Variants in SCARB1 observed in about 807,000 individuals in gnomAD.
SCARB1 encodes the protein scavenger receptor class B member 1, also known as CD36 and LIMPII analogous 1.
A neutral mutation model predicts 57.2 loss-of-function variants in SCARB1; 30 were observed. The observed-to-expected ratio is 0.52, with a 90% CI of 0.39 to 0.71. SCARB1 has a LOEUF of 0.71. Among genes scored for constraint, SCARB1 ranks in the 30% least tolerant of loss-of-function variants. SCARB1 has a pLI of 0.00. For missense variants in SCARB1, 543 were observed against 671.2 expected (o/e 0.81, Z 2.11); for synonymous variants, 249 against 268.3 (o/e 0.93, Z 0.70).
At chr12:124,847,549 C>T (rs1566250108) in intron 1 of SCARB1, among the ~76,000 whole-genome samples, 1 of 152,224 alleles carries the variant, frequency 6.6e-6, no homozygotes, top group Non-Finnish European at 1.5e-5. Flanking sequence ...CCCAGGGTTT[C>T]CACAATCTTC....
chr12:124,841,137 C>T (rs754487024), intron 1 of SCARB1, among the ~76,000 whole-genome samples: 9 of 152,102 alleles, frequency 5.9e-5, no homozygotes, highest in African/African-American at 1.9e-4. Context: ...TTTGGGAGGC[C>T]GAGGTGGGCG....
rs1357193606 is a variant in SCARB1 at position 124,855,492 on chromosome 12, A to C, written c.126+8103T>G. On this transcript the variant is annotated intron_variant, in intron 1 of 12. Coordinates refer to ENST00000261693, the MANE Select transcript of SCARB1 (RefSeq NM_005505.5). The stretch of plus-strand genomic sequence containing the variant: ...TTGTGTTGTTTTTGTTTCTCTTTGC[A>C]AGACAGCTCCAGCCTGGCCACTTGT... 7.9e-5 allele frequency among the ~76,000 whole-genome samples: 12 copies of C among 152,330 alleles called. No homozygotes were observed. In the East Asian group the frequency reaches 1.7e-3, roughly 22 times the overall value.
At chr12:124,855,871 CCAA>C (rs1952602432) in intron 1 of SCARB1, among the ~76,000 whole-genome samples, 2 of 152,206 alleles carry the variant, frequency 1.3e-5, no homozygotes, top group Non-Finnish European at 2.9e-5. Context: ...AATGACAGTG[CCAA>C]CAAGCCTGCA....
chr12:124,822,624 C>A lies in SCARB1; in HGVS notation c.127-4917G>T, dbSNP rs1950991462. On this transcript the variant is annotated intron_variant, in intron 1 of 12. Transcript: ENST00000261693. This position sits in a 1 kb window ranked among gnomAD's most constrained non-coding sequence, Gnocchi z 5.0. ...ATTAGGCCAGGCATGGTGGCTCACG[C>A]CTGTAATCCAAGGACTTTGGGAGGC... Among the ~76,000 whole-genome samples the A allele has an allele frequency of 6.6e-6, 1 of 152,186 alleles. No homozygotes were observed. Among genetic ancestry groups the A allele is most frequent in the African/African-American group, 2.4e-5 (1 of 41,438 alleles).
intron 10 of SCARB1, 150 bp from the exon 11 acceptor site, chr12:124,786,653 C>T: frequency 6.9e-7 from 1 of 1,452,640 alleles, no homozygotes; most frequent in Non-Finnish European, 9.2e-7. Context: ...CTGCCAGGGA[C>T]CTCCTCCCTC....
At chr12:124,827,950 G>A (rs560220199) in intron 1 of SCARB1, among the ~76,000 whole-genome samples, 4 of 152,268 alleles carry the variant, frequency 2.6e-5, no homozygotes, top group Admixed American at 6.5e-5. Flanking sequence ...TTGGCGATGT[G>A]TCTGTCCTCA....
chr12:124,814,922 C>G lies in SCARB1; in HGVS notation c.426+51G>C. On this transcript the variant is annotated intron_variant, in intron 3 of 12. Coordinates refer to ENST00000261693, the MANE Select transcript of SCARB1 (RefSeq NM_005505.5). The surrounding 1 kb of genome is among the most constrained non-coding windows in gnomAD (Gnocchi z 4.7). ...CACAAGGGGCAGGCGGGAGGAGAGA[C>G]AGGGGACGAGGTCAGGGTGCGAGGC... 6.2e-7 allele frequency: 1 copy of G among 1,611,712 alleles called. No individual in the cohort carries two copies. Among genetic ancestry groups the G allele is most frequent in the Non-Finnish European group, 8.5e-7 (1 of 1,178,888 alleles).
At chr12:124,853,692 G>T (rs999613699) in intron 1 of SCARB1, among the ~76,000 whole-genome samples, 1 of 152,156 alleles carries the variant, frequency 6.6e-6, no homozygotes, top group African/African-American at 2.4e-5. Flanking sequence ...ACTGTGCCCG[G>T]CCCAATTTGC....
At chr12:124,832,349 G>A (rs1474355756) in intron 1 of SCARB1, among the ~76,000 whole-genome samples, 3 of 152,056 alleles carry the variant, frequency 2.0e-5, no homozygotes, top group South Asian at 2.1e-4. Flanking sequence ...GTGAAATCCC[G>A]ACTCTACTAA....
chr12:124,836,720 G>A (rs756546307), intron 1 of SCARB1, among the ~76,000 whole-genome samples: 1 of 152,212 alleles, frequency 6.6e-6, no homozygotes, highest in Admixed American at 6.5e-5. Flanking sequence ...CTTGAGCCCA[G>A]GAGATAGAGG....
intron 1 of SCARB1, among the ~76,000 whole-genome samples, chr12:124,837,523 G>A (rs552063815): frequency 6.4e-5 from 6 of 94,038 alleles, no homozygotes; most frequent in Non-Finnish European, 1.2e-4. Context: ...AGAAAAGAAA[G>A]GAAAGAAAAA....
At position 124,812,018 on chromosome 12, in the gene SCARB1, G is replaced by T. The variant is rs77740046; in HGVS notation, c.631-53C>A. The T allele has an allele frequency of 7.1e-7, 1 of 1,402,730 alleles. No homozygotes were observed. The highest frequency in any genetic ancestry group is 9.9e-7 in the Non-Finnish European group (1 of 1,005,154). 86.9% of individuals were successfully genotyped at this position (1,402,730 alleles called of 1,614,324 possible). A position where few individuals can be genotyped will look rare whatever the true frequency, so the allele number is the denominator to read the frequency against. On this transcript the variant is annotated intron_variant, in intron 4 of 12. Coordinates refer to ENST00000261693, the MANE Select transcript of SCARB1 (RefSeq NM_005505.5). This position sits in a 1 kb window ranked among gnomAD's most constrained non-coding sequence, Gnocchi z 4.3. ...TAAGGCTTAGGCCTGCCATTGAGCC[G>T]GCCTGGTCTGAACATTCTGGGCTGA...
intron 1 of SCARB1, among the ~76,000 whole-genome samples, chr12:124,845,253 A>G (rs978506124): frequency 2.0e-5 from 3 of 152,168 alleles, no homozygotes; most frequent in Non-Finnish European, 4.4e-5. Flanking sequence ...GAAAAACAGC[A>G]TGCAGTGCAC....
intron 1 of SCARB1, among the ~76,000 whole-genome samples, chr12:124,821,739 A>T (rs1245565038): frequency 6.6e-6 from 1 of 151,872 alleles, no homozygotes; most frequent in Non-Finnish European, 1.5e-5. Context: ...AGGTCTGAAG[A>T]CCCCGGGCAC....
chr12:124,814,555 A>G lies in SCARB1; in HGVS notation c.427-150T>C. The G allele has an allele frequency of 1.3e-6, 1 of 780,462 alleles. No homozygotes were observed. The highest frequency in any genetic ancestry group is 2.2e-6 in the Non-Finnish European group (1 of 453,826). The allele number at this position is 780,462 out of a possible 1,614,324, so 48.3% of individuals were successfully genotyped here. A position where few individuals can be genotyped will look rare whatever the true frequency, so the allele number is the denominator to read the frequency against. On this transcript the variant is annotated intron_variant, in intron 3 of 12. Transcript: ENST00000261693. This position sits in a 1 kb window ranked among gnomAD's most constrained non-coding sequence, Gnocchi z 4.7. The stretch of plus-strand genomic sequence containing the variant: ...AGTGGCCACGTGGGGCATCTGGGAC[A>G]CCAGAACCACCCTCTGCTCCTCCAG...
Position 124,786,630 on chromosome 12 carries a change from C to A in SCARB1, c.1255-127G>T, listed in dbSNP as rs575240366. 6.3e-4 allele frequency: 964 copies of A among 1,527,800 alleles called. 1 individual carries two copies. The highest frequency in any genetic ancestry group is 8.1e-4 in the Admixed American group (41 of 50,856). The allele number at this position is 1,527,800 out of a possible 1,614,324, so 94.6% of individuals were successfully genotyped here. On this transcript the variant is annotated intron_variant, in intron 10 of 12. Transcript: ENST00000261693. Reference sequence around the variant, plus strand: ...CCCACCTCAAGCTTCCCGGCTAAAGCATGTGTTGGAGCCTGCCAGGGACCT... The same window carrying A: ...CCCACCTCAAGCTTCCCGGCTAAAGAATGTGTTGGAGCCTGCCAGGGACCT...
At chr12:124,826,199 C>T (rs1045183713) in intron 1 of SCARB1, among the ~76,000 whole-genome samples, 13 of 151,936 alleles carry the variant, frequency 8.6e-5, no homozygotes, top group African/African-American at 2.2e-4. Flanking sequence ...GGCACAGTGG[C>T]GCGCACCTAT....
chr12:124,847,592 G>A (rs1395302704), intron 1 of SCARB1, among the ~76,000 whole-genome samples: 4 of 152,222 alleles, frequency 2.6e-5, no homozygotes, highest in Non-Finnish European at 2.9e-5. Flanking sequence ...GATCAGATCC[G>A]CCATCTCTTC....
intron 1 of SCARB1, among the ~76,000 whole-genome samples, chr12:124,824,383 G>A (rs1033900018): frequency 2.0e-5 from 3 of 152,196 alleles, no homozygotes; most frequent in Admixed American, 2.0e-4. Context: ...GGCTGGGGCA[G>A]AAAGGAATGG....
Sources: allele counts gnomAD v4.1 joint callset (sites outside exome capture counted in the v4.1 genomes callset), GRCh38; gene constraint gnomAD v4.1.1; non-coding constraint Gnocchi (gnomAD v3.1); transcripts MANE v1.5; gene names NCBI Gene and HGNC (gene_info 2026-07-23, HGNC 2026-07-21).